Variants in MBD5 observed in about 807,000 individuals in gnomAD.
MBD5 encodes methyl-CpG binding domain protein 5.
MBD5 carries 13 observed loss-of-function variants against 117.3 expected under a neutral mutation model. That is an observed-to-expected ratio of 0.11 (90% confidence interval 0.07 to 0.18). MBD5 has a LOEUF of 0.18. Ranked by LOEUF, MBD5 falls within the 10% of genes least tolerant of loss-of-function variation. The pLI is 1.00. For synonymous variants in MBD5, 727 were observed against 766.4 expected (o/e 0.95, Z 0.85); for missense variants, 1,879 against 2,093.8 (o/e 0.90, Z 2.00).
chr2:148,059,039 C>T (rs550031373), intron 1 of MBD5, among the ~76,000 whole-genome samples: 1 of 152,226 alleles, frequency 6.6e-6, no homozygotes, highest in East Asian at 1.9e-4. Context: ...TAACTACTTA[C>T]TTGAATGTGT....
intron 3 of MBD5, among the ~76,000 whole-genome samples, chr2:148,257,414 T>C (rs1172217019): frequency 6.6e-6 from 1 of 152,188 alleles, no homozygotes; most frequent in East Asian, 1.9e-4. Context: ...CCCACAAAAA[T>C]TTGCAGCTGC....
intron 1 of MBD5, among the ~76,000 whole-genome samples, chr2:148,158,250 A>T (rs1205198327): frequency 3.9e-5 from 6 of 152,256 alleles, no homozygotes; most frequent in Admixed American, 1.3e-4. Flanking sequence ...GGAAGTGCTC[A>T]AGAGAAAATG....
intron 3 of MBD5, among the ~76,000 whole-genome samples, chr2:148,299,127 G>T (rs1005032760): frequency 6.6e-5 from 10 of 150,680 alleles, no homozygotes; most frequent in Admixed American, 1.3e-4. Flanking sequence ...TCTGTTTAAA[G>T]AACTTTCTTT....
At chr2:148,146,566 A>C (rs904750054) in intron 1 of MBD5, among the ~76,000 whole-genome samples, 3 of 151,754 alleles carry the variant, frequency 2.0e-5, no homozygotes, top group Non-Finnish European at 4.4e-5. Flanking sequence ...TTTTAGTTTG[A>C]TGTGTTTGGT....
intron 4 of MBD5, among the ~76,000 whole-genome samples, chr2:148,344,329 C>A (rs1257655133): frequency 1.3e-5 from 2 of 151,852 alleles, no homozygotes; most frequent in African/African-American, 4.8e-5. Context: ...AATTTTAGAA[C>A]AGTTTTTTTC....
At chr2:148,022,865 A>G (rs554490110) in intron 1 of MBD5, among the ~76,000 whole-genome samples, 13 of 152,148 alleles carry the variant, frequency 8.5e-5, no homozygotes, top group Non-Finnish European at 1.8e-4. Context: ...AAATCACTTC[A>G]TTTTTGTATA....
At chr2:148,130,775 C>T (rs1574046775) in intron 1 of MBD5, among the ~76,000 whole-genome samples, 1 of 152,186 alleles carries the variant, frequency 6.6e-6, no homozygotes, top group Non-Finnish European at 1.5e-5. Flanking sequence ...CTATCCAGCT[C>T]TTTCTCGTGT....
intron 4 of MBD5, among the ~76,000 whole-genome samples, chr2:148,457,845 C>T (rs548785734): frequency 6.6e-6 from 1 of 152,090 alleles, no homozygotes; most frequent in Non-Finnish European, 1.5e-5. Context: ...TGGATTAACA[C>T]ACAACTGTGT....
intron 1 of MBD5, among the ~76,000 whole-genome samples, chr2:148,152,445 T>C (rs1697707617): frequency 1.3e-5 from 2 of 152,094 alleles, no homozygotes; most frequent in South Asian, 4.1e-4. Context: ...TCTGTAGATG[T>C]CTATTAGGTC....
chr2:148,047,722 C>T (rs543248997), intron 1 of MBD5, among the ~76,000 whole-genome samples: 3 of 152,274 alleles, frequency 2.0e-5, no homozygotes, highest in Non-Finnish European at 4.4e-5. Context: ...TAAAGAACAG[C>T]AAGCAACCAC....
At chr2:148,353,885 T>C (rs1703306403) in intron 4 of MBD5, among the ~76,000 whole-genome samples, 2 of 152,100 alleles carry the variant, frequency 1.3e-5, no homozygotes, top group Admixed American at 6.6e-5. Context: ...CCATCCTTTA[T>C]TTAGTTTTAT....
intron 3 of MBD5, among the ~76,000 whole-genome samples, chr2:148,298,474 C>T (rs1701706636): frequency 6.6e-6 from 1 of 152,194 alleles, no homozygotes; most frequent in African/African-American, 2.4e-5. Flanking sequence ...AGTAAATTGT[C>T]TTGCACAAAT....
chr2:148,302,984 ATT>A (rs1491125944), intron 3 of MBD5, among the ~76,000 whole-genome samples: 1 of 149,028 alleles, frequency 6.7e-6, no homozygotes, highest in African/African-American at 2.4e-5. Flanking sequence ...TATTATATAT[ATT>A]ATATATATTT....
chr2:148,451,062 C>T (rs934409726), intron 4 of MBD5, among the ~76,000 whole-genome samples: 2 of 152,140 alleles, frequency 1.3e-5, no homozygotes, highest in Non-Finnish European at 2.9e-5. Flanking sequence ...CACTTTTCTG[C>T]AGTGAACGGT....
intron 1 of MBD5, among the ~76,000 whole-genome samples, chr2:148,115,774 A>G (rs1048075803): frequency 6.6e-5 from 10 of 152,186 alleles, no homozygotes; most frequent in Admixed American, 6.5e-5. Flanking sequence ...TTAACAAAGA[A>G]CATCTCTACT....
intron 4 of MBD5, among the ~76,000 whole-genome samples, chr2:148,438,799 G>A (rs1489225606): frequency 6.6e-6 from 1 of 152,128 alleles, no homozygotes; most frequent in African/African-American, 2.4e-5. Context: ...GTGTGTCCAA[G>A]TTCTCGAAGA....
chr2:148,112,570 G>A (rs1195858924), intron 1 of MBD5, among the ~76,000 whole-genome samples: 3 of 152,054 alleles, frequency 2.0e-5, no homozygotes, highest in Non-Finnish European at 1.5e-5. Flanking sequence ...GCAGTTCATG[G>A]TTTACAGTAC....
intron 4 of MBD5, among the ~76,000 whole-genome samples, chr2:148,344,815 C>G (rs919743463): frequency 1.3e-5 from 2 of 151,838 alleles, no homozygotes; most frequent in African/African-American, 4.8e-5. Context: ...TAACATGAAT[C>G]ATGTAACCAC....
At chr2:148,035,200 A>G (rs1410289655) in intron 1 of MBD5, among the ~76,000 whole-genome samples, 1 of 152,190 alleles carries the variant, frequency 6.6e-6, no homozygotes, top group African/African-American at 2.4e-5. Context: ...TTTATTAATA[A>G]CAAAATATCA....
Sources: allele counts gnomAD v4.1 joint callset (sites outside exome capture counted in the v4.1 genomes callset), GRCh38; gene constraint gnomAD v4.1.1; transcripts MANE v1.5; gene names NCBI Gene and HGNC (gene_info 2026-07-23, HGNC 2026-07-21).